The following CCDC91 variants were observed in gnomAD, a reference collection of about 807,000 sequenced individuals.
CCDC91 encodes the protein coiled-coil domain-containing protein 91.
CCDC91 carries 48 observed loss-of-function variants against 63.2 expected under a neutral mutation model. The ratio of observed to expected loss-of-function variants is 0.76; its 90% CI spans 0.60 to 0.97. The LOEUF (loss-of-function observed/expected upper bound fraction) is 0.97, where lower values mean the gene tolerates loss of function less well. Among genes scored for constraint, CCDC91 ranks in the 50% least tolerant of loss-of-function variants. The pLI is 0.00. For synonymous variants in CCDC91, 167 were observed against 165.8 expected (o/e 1.01, Z -0.06); for missense variants, 500 against 494.6 (o/e 1.01, Z -0.10).
At chr12:28,501,458 A>T (rs557055179) in intron 12 of CCDC91, among the ~76,000 whole-genome samples, 1 of 152,100 alleles carries the variant, frequency 6.6e-6, no homozygotes, top group Non-Finnish European at 1.5e-5. Flanking sequence ...GCATCTATTG[A>T]CATAATCATG....
At chr12:28,294,073 T>C (rs1372620687) in intron 3 of CCDC91, among the ~76,000 whole-genome samples, 1 of 152,184 alleles carries the variant, frequency 6.6e-6, no homozygotes, top group Non-Finnish European at 1.5e-5. Flanking sequence ...GACAGTCTTC[T>C]AGTTTGTGAA....
intron 1 of CCDC91, among the ~76,000 whole-genome samples, chr12:28,219,946 C>T (rs1418483236): frequency 2.0e-5 from 3 of 152,020 alleles, no homozygotes; most frequent in Non-Finnish European, 4.4e-5. Flanking sequence ...TTGATGTTTG[C>T]ATGGTGTATC....
intron 3 of CCDC91, among the ~76,000 whole-genome samples, chr12:28,300,702 G>A (rs984249485): frequency 4.6e-4 from 70 of 151,324 alleles, no homozygotes; most frequent in African/African-American, 1.7e-3. Context: ...AATTAAGAGA[G>A]GACTGGGATT....
At chr12:28,393,572 C>T (rs1263362018) in intron 8 of CCDC91, among the ~76,000 whole-genome samples, 2 of 152,002 alleles carry the variant, frequency 1.3e-5, no homozygotes, top group African/African-American at 2.4e-5. Context: ...CTAAAACAGC[C>T]ATAGCTTTAT....
At chr12:28,388,305 A>G (rs1945729871) in intron 7 of CCDC91, among the ~76,000 whole-genome samples, 1 of 152,168 alleles carries the variant, frequency 6.6e-6, no homozygotes, top group Non-Finnish European at 1.5e-5. Flanking sequence ...AAATTGGTAA[A>G]GAGAAAGTCA....
At chr12:28,298,090 A>G (rs2136938455) in intron 3 of CCDC91, among the ~76,000 whole-genome samples, 1 of 149,328 alleles carries the variant, frequency 6.7e-6, no homozygotes, top group African/African-American at 2.4e-5. Flanking sequence ...AGAGGGAAAT[A>G]ATATGCTCTC....
intron 1 of CCDC91, among the ~76,000 whole-genome samples, chr12:28,200,815 C>T (rs897494233): frequency 9.9e-5 from 15 of 151,748 alleles, no homozygotes; most frequent in African/African-American, 3.4e-4. Flanking sequence ...GGGTGGTGGC[C>T]GGGCAGAGGG....
intron 11 of CCDC91, among the ~76,000 whole-genome samples, chr12:28,481,746 G>C (rs11049657): frequency 0.21 from 31,712 of 151,908 alleles, 4,346 homozygotes; most frequent in Non-Finnish European, 0.31. Flanking sequence ...TTGACTGTCA[G>C]TTAACTCCCA....
rs549355684 is a variant in CCDC91, at chr12:28,517,847, T to C, written c.1216-31216T>C. ...GTGTCATTTTTATGCCCTCACATCC[T>C]CACAGCTTAGCTCCCACTTATGAGT... On this transcript the variant is annotated intron_variant, in intron 12 of 12. Coordinates refer to ENST00000536442, the MANE Select transcript of CCDC91 (RefSeq NM_018318.5). Among the ~76,000 whole-genome samples, 33 of 152,102 alleles carry C rather than the reference T, an allele frequency of 2.2e-4. No homozygotes were observed. In the East Asian group the frequency reaches 5.8e-3, roughly 27 times the overall value.
chr12:28,428,561 C>A (rs1480072442), intron 8 of CCDC91, among the ~76,000 whole-genome samples: 1 of 114,110 alleles, frequency 8.8e-6, no homozygotes, highest in Non-Finnish European at 1.6e-5. Context: ...AAGAGTGAAA[C>A]TCCGTCTCTC....
At chr12:28,254,817 G>A (rs1164317326) in intron 1 of CCDC91, among the ~76,000 whole-genome samples, 1 of 149,186 alleles carries the variant, frequency 6.7e-6, no homozygotes, top group East Asian at 2.0e-4. Context: ...TGTTGCCTGG[G>A]CTGGAGTGCA....
intron 6 of CCDC91, among the ~76,000 whole-genome samples, chr12:28,343,169 TATACAC>T (rs938399368): frequency 3.4e-5 from 5 of 145,016 alleles, no homozygotes; most frequent in African/African-American, 1.3e-4. Flanking sequence ...GAGCAGGAGA[TATACAC>T]ATACATTGAC....
intron 12 of CCDC91, among the ~76,000 whole-genome samples, chr12:28,495,098 A>G (rs1257738604): frequency 6.6e-6 from 1 of 151,702 alleles, no homozygotes; most frequent in Non-Finnish European, 1.5e-5. Context: ...AATGATACAC[A>G]AAAGACCTGA....
intron 8 of CCDC91, among the ~76,000 whole-genome samples, chr12:28,427,520 G>T (rs530005886): frequency 1.3e-4 from 19 of 151,612 alleles, no homozygotes; most frequent in Non-Finnish European, 2.5e-4. Flanking sequence ...AAAGCCTTCT[G>T]CCCCCAGGAG....
At chr12:28,364,577 A>G (rs1204626602) in intron 7 of CCDC91, among the ~76,000 whole-genome samples, 2 of 152,190 alleles carry the variant, frequency 1.3e-5, no homozygotes, top group African/African-American at 4.8e-5. Context: ...GGGTGGGAGG[A>G]ATTAAAATAC....
At chr12:28,473,542 A>G (rs946580462) in intron 11 of CCDC91, among the ~76,000 whole-genome samples, 4 of 152,172 alleles carry the variant, frequency 2.6e-5, no homozygotes, top group Non-Finnish European at 4.4e-5. Context: ...ACATCTTAGC[A>G]GATTCCAAGC....
In CCDC91 at chr12:28,329,664, C is replaced by T. The variant is rs554168090; in HGVS notation, c.576+21915C>T. 1.6e-4 allele frequency among the ~76,000 whole-genome samples: 25 copies of T among 152,010 alleles called. No homozygotes were observed. The South Asian group carries it at 2.1e-3, about 13-fold the overall frequency. ...TAAGTTCTAGGGTACATGTGCACAA[C>T]GCGCAGGTTTGTTACATAGGTATAC... is the stretch of plus-strand genomic sequence containing the variant. On this transcript the variant is annotated intron_variant, in intron 6 of 12. Coordinates refer to ENST00000536442, the MANE Select transcript of CCDC91 (RefSeq NM_018318.5).
chr12:28,195,803 A>G (rs1941716391), intron 1 of CCDC91, among the ~76,000 whole-genome samples: 1 of 152,200 alleles, frequency 6.6e-6, no homozygotes, highest in Non-Finnish European at 1.5e-5. Flanking sequence ...TTTCTAATCC[A>G]TTAATAAAAT....
In CCDC91 at chr12:28,549,803, G is replaced by A. The variant is rs1309209113; in HGVS notation, c.*630G>A. 6.6e-6 allele frequency: 1 copy of A among 152,076 alleles called. No homozygotes were observed. Among genetic ancestry groups the A allele is most frequent in the Non-Finnish European group, 1.5e-5 (1 of 67,994 alleles). 9.4% of individuals were successfully genotyped at this position (152,076 alleles called of 1,614,324 possible). ...CTGATATATCACTTAAACTAAAGGG[G>A]TGTGTGTGGTGTATGCTTGTTTCCT... On this transcript the variant is annotated 3_prime_UTR_variant, in exon 13 of 13. Coordinates refer to ENST00000536442, the MANE Select transcript of CCDC91 (RefSeq NM_018318.5).
Sources: allele counts gnomAD v4.1 joint callset (sites outside exome capture counted in the v4.1 genomes callset), GRCh38; gene constraint gnomAD v4.1.1; transcripts MANE v1.5; gene names NCBI Gene and HGNC (gene_info 2026-07-23, HGNC 2026-07-21).